Variants in MID2 observed in about 807,000 individuals in gnomAD.
MID2 encodes the protein probable E3 ubiquitin-protein ligase MID2.
A neutral mutation model predicts 46.1 loss-of-function variants in MID2; 13 were observed. That is an observed-to-expected ratio of 0.28 (90% CI 0.18 to 0.45). MID2 has a LOEUF of 0.45. Ranked by LOEUF, MID2 falls within the 20% of genes least tolerant of loss-of-function variation. The pLI is 1.00. For synonymous variants in MID2, 199 were observed against 212.3 expected, an observed-to-expected ratio of 0.94 and a Z score of 0.55; for missense variants, 431 against 575.4, an observed-to-expected ratio of 0.75 and a Z score of 2.57.
At position 107,916,655 on chromosome X, in the gene MID2, AT is replaced by A. The variant is rs765221575; in HGVS notation, c.1201+527del. Among the ~76,000 whole-genome samples, 7 of 112,812 alleles carry A rather than the reference AT, an allele frequency of 6.2e-5. No individual in the cohort carries two copies. The East Asian group carries it at 1.1e-3, about 18-fold the overall frequency. ...ATTTAATGATCATTTCATGAAAAAA[AT>A]ATACACAAACAATTTTTGAACTGTT... On this transcript the variant is annotated intron_variant, in intron 6 of 9. Coordinates refer to ENST00000262843, the MANE Select transcript of MID2 (RefSeq NM_012216.4).
At chrX:107,845,525 A>ACACACACACACTCTCTCTCTCT (rs1276957001) in intron 2 of MID2, among the ~76,000 whole-genome samples, 1 of 72,982 alleles carries the variant, frequency 1.4e-5, no homozygotes, top group African/African-American at 7.6e-5. Flanking sequence ...ACACACACAC[A>ACACACACACACTCTCTCTCTCT]CTCTCTCTCT....
intron 2 of MID2, among the ~76,000 whole-genome samples, chrX:107,852,879 C>G (rs1931659174): frequency 9.0e-6 from 1 of 111,597 alleles, no homozygotes; most frequent in African/African-American, 3.3e-5. Context: ...CTTTGAACTA[C>G]AAAACATAGG....
intron 3 of MID2, among the ~76,000 whole-genome samples, chrX:107,860,864 A>G (rs759151474): frequency 2.7e-5 from 3 of 112,219 alleles, no homozygotes; most frequent in East Asian, 2.8e-4. Flanking sequence ...ACAGAGACAA[A>G]GAAATATTTA....
intron 3 of MID2, among the ~76,000 whole-genome samples, chrX:107,891,127 C>G (rs1283074605): frequency 9.1e-6 from 1 of 110,404 alleles, no homozygotes; most frequent in African/African-American, 3.3e-5. Flanking sequence ...CTGTCCTGCA[C>G]CCTCTTTCTG....
At chrX:107,904,128 C>G (rs1932816794) in intron 4 of MID2, 63 bp downstream of exon 4, 2 of 766,498 alleles carry the variant, frequency 2.6e-6, no homozygotes, top group Admixed American at 2.4e-5. Flanking sequence ...AAAGTTTGAT[C>G]CAGATGATTC....
At chrX:107,847,985 A>G (rs1931528704) in intron 2 of MID2, among the ~76,000 whole-genome samples, 1 of 111,574 alleles carries the variant, frequency 9.0e-6, no homozygotes, top group Non-Finnish European at 1.9e-5. Context: ...TTGTTGAAAC[A>G]TCTGGAGGAC....
intron 9 of MID2, 24 bp downstream of exon 9, chrX:107,926,325 T>A: frequency 1.8e-6 from 2 of 1,127,952 alleles, no homozygotes; most frequent in Non-Finnish European, 2.4e-6. Context: ...ATTTTCCTTT[T>A]CTTTTCTGTC....
At position 107,928,955 on chromosome X, in the gene MID2, A is replaced by G. The variant is rs1933235775; in HGVS notation, c.*1882A>G. Among the ~76,000 whole-genome samples the G allele has an allele frequency of 8.9e-6, 1 of 112,035 alleles. No individual in the cohort carries two copies. Among genetic ancestry groups the G allele is most frequent in the African/African-American group, 3.2e-5 (1 of 30,889 alleles). ...GCTGGTAAATAGTTTGCTGTAGTGG[A>G]AAGCTCATAACCTTTGGATTCAAAT... is the stretch of plus-strand genomic sequence containing the variant. On this transcript the variant is annotated 3_prime_UTR_variant, in exon 10 of 10. Coordinates refer to ENST00000262843, the MANE Select transcript of MID2 (RefSeq NM_012216.4).
intron 1 of MID2, among the ~76,000 whole-genome samples, chrX:107,836,553 CT>C (rs35453729): frequency 0.026 from 2,646 of 102,046 alleles, 58 homozygotes; most frequent in African/African-American, 0.082. Context: ...GCCCAGCCTA[CT>C]TTTTTTTTTT....
chrX:107,919,760 G>A (rs957029896), intron 7 of MID2, among the ~76,000 whole-genome samples: 2 of 111,556 alleles, frequency 1.8e-5, no homozygotes, highest in African/African-American at 3.3e-5. Context: ...ATTCCCAATT[G>A]CCCTGTACCT....
chrX:107,883,258 G>A (rs1406136744), intron 3 of MID2, among the ~76,000 whole-genome samples: 6 of 111,015 alleles, frequency 5.4e-5, no homozygotes, highest in Non-Finnish European at 9.4e-5. Context: ...GTAGGTGACG[G>A]GTTGATGGGT....
chrX:107,860,972 C>T (rs930089608), intron 3 of MID2, among the ~76,000 whole-genome samples: 2 of 111,944 alleles, frequency 1.8e-5, no homozygotes, highest in Non-Finnish European at 3.8e-5. Flanking sequence ...CACTCCATTA[C>T]GCGTTGTTTT....
At chrX:107,876,258 G>T (rs1286043079) in intron 3 of MID2, among the ~76,000 whole-genome samples, 1 of 111,218 alleles carries the variant, frequency 9.0e-6, no homozygotes, top group Non-Finnish European at 1.9e-5. Flanking sequence ...AGATCAAGGT[G>T]GCCACTTTCA....
chrX:107,922,449 G>A (rs1933090255), intron 7 of MID2, among the ~76,000 whole-genome samples: 1 of 111,563 alleles, frequency 9.0e-6, no homozygotes, highest in African/African-American at 3.3e-5. Flanking sequence ...TTTCCCATCT[G>A]TATTCATTTA....
intron 3 of MID2, among the ~76,000 whole-genome samples, chrX:107,883,970 C>T (rs941294088): frequency 8.9e-6 from 1 of 112,409 alleles, no homozygotes; most frequent in Non-Finnish European, 1.9e-5. Flanking sequence ...CAAATAAGGA[C>T]GACTTAGCCT....
chrX:107,882,284 C>T (rs1446699472), intron 3 of MID2, among the ~76,000 whole-genome samples: 2 of 112,003 alleles, frequency 1.8e-5, no homozygotes, highest in African/African-American at 6.5e-5. Context: ...CCATTCAGGA[C>T]ATAGGCATGG....
chrX:107,868,647 G>A (rs771971654), intron 3 of MID2, among the ~76,000 whole-genome samples: 1 of 111,658 alleles, frequency 9.0e-6, no homozygotes, highest in African/African-American at 3.3e-5. Flanking sequence ...CTGTGACAAA[G>A]GAAGTAAAAT....
Position 107,835,068 on chromosome X carries a change from A to C in MID2, c.5-5602A>C, listed in dbSNP as rs1362096569. On this transcript the variant is annotated intron_variant, in intron 1 of 9. Transcript: ENST00000262843. The stretch of plus-strand genomic sequence containing the variant: ...CCCTGCCCTGCTCCTGGCAACCATT[A>C]ATCTACTTTCTGTTCCTTTGGGTTT... 1.8e-5 allele frequency among the ~76,000 whole-genome samples: 2 copies of C among 110,997 alleles called. 1 individual carries two copies. Among genetic ancestry groups the C allele is most frequent in the Admixed American group, 1.9e-4 (2 of 10,450 alleles).
intron 7 of MID2, among the ~76,000 whole-genome samples, chrX:107,923,336 C>T (rs1157358784): frequency 8.9e-6 from 1 of 112,150 alleles, no homozygotes; most frequent in African/African-American, 3.2e-5. Context: ...TCTAAATAAT[C>T]TGCAGACTAG....
Sources: allele counts gnomAD v4.1 joint callset (sites outside exome capture counted in the v4.1 genomes callset), GRCh38; gene constraint gnomAD v4.1.1; transcripts MANE v1.5; gene names NCBI Gene and HGNC (gene_info 2026-07-23, HGNC 2026-07-21).